Variants in SGCZ observed in about 807,000 individuals in gnomAD.
SGCZ encodes sarcoglycan zeta.
Under a neutral mutation model 41.3 loss-of-function variants are expected in SGCZ, and 40 were observed. The observed-to-expected ratio is 0.97, with a 90% CI of 0.75 to 1.26. The LOEUF (loss-of-function observed/expected upper bound fraction) is 1.26. Among genes scored for constraint, SGCZ ranks in the 50% most tolerant of loss-of-function variants. SGCZ has a pLI of 0.00. For synonymous variants in SGCZ, 206 were observed against 137.5 expected (o/e 1.50, Z -3.49); for missense variants, 552 against 369.8 (o/e 1.49, Z -4.04).
At chr8:14,164,534 T>C in intron 5 of SGCZ, 46 bp downstream of exon 5, 2 of 1,609,558 alleles carry the variant, frequency 1.2e-6, no homozygotes, top group Non-Finnish European at 1.7e-6. Flanking sequence ...CAGTTGTATA[T>C]TCTTTAAAGA....
chr8:15,114,645 C>A (rs1240767690), intron 1 of SGCZ, among the ~76,000 whole-genome samples: 2 of 152,066 alleles, frequency 1.3e-5, no homozygotes. Flanking sequence ...CTCTTGAAGG[C>A]AGAATAGTTA....
At chr8:14,203,479 C>T (rs1805521611) in intron 4 of SGCZ, among the ~76,000 whole-genome samples, 1 of 152,150 alleles carries the variant, frequency 6.6e-6, no homozygotes, top group Non-Finnish European at 1.5e-5. Flanking sequence ...GATTTATAAT[C>T]TCTCCCACTC....
Position 14,286,241 on chromosome 8 carries a change from T to A in SGCZ, c.336+37862A>T, listed in dbSNP as rs1158493500. ...CCTTGAAGTGACTTTGTCTATAGCA[T>A]ATTTTTCTAATCATATTCCCATTTA... On this transcript the variant is annotated intron_variant, in intron 3 of 7. Transcript: ENST00000382080. 2.6e-5 allele frequency among the ~76,000 whole-genome samples: 4 copies of A among 152,138 alleles called. No homozygotes were observed. The East Asian group carries it at 7.7e-4, about 29-fold the overall frequency.
chr8:14,445,037 A>G (rs2117381890), intron 2 of SGCZ, among the ~76,000 whole-genome samples: 1 of 152,322 alleles, frequency 6.6e-6, no homozygotes, highest in South Asian at 2.1e-4. Context: ...GGATAGGTCC[A>G]TCTCAGCACC....
At chr8:15,034,708 G>C (rs1563455334) in intron 1 of SGCZ, among the ~76,000 whole-genome samples, 1 of 152,060 alleles carries the variant, frequency 6.6e-6, no homozygotes, top group Non-Finnish European at 1.5e-5. Context: ...CCTGAAAGCA[G>C]CATGAGAAAA....
chr8:14,406,959 C>T (rs574660568), intron 2 of SGCZ, among the ~76,000 whole-genome samples: 109 of 152,038 alleles, frequency 7.2e-4, no homozygotes, highest in Non-Finnish European at 1.2e-3. Context: ...AATTCTTTCA[C>T]GGGTGAAGCC....
chr8:14,338,945 CACAG>C (rs543178376), intron 2 of SGCZ, among the ~76,000 whole-genome samples: 1 of 152,130 alleles, frequency 6.6e-6, no homozygotes, highest in African/African-American at 2.4e-5. Context: ...TGGACAAGTG[CACAG>C]ACATTGTTAA....
chr8:15,038,372 A>G (rs749348326), intron 1 of SGCZ, among the ~76,000 whole-genome samples: 8 of 152,142 alleles, frequency 5.3e-5, no homozygotes, highest in Non-Finnish European at 1.0e-4. Context: ...GATCTCTTCA[A>G]TAAATGATGT....
At chr8:14,842,445 G>A (rs1472599675) in intron 1 of SGCZ, among the ~76,000 whole-genome samples, 1 of 120,474 alleles carries the variant, frequency 8.3e-6, no homozygotes, top group Non-Finnish European at 2.0e-5. Context: ...GAAGGGACAG[G>A]ACAGGAAAAG....
At chr8:14,801,255 G>A (rs997189387) in intron 1 of SGCZ, among the ~76,000 whole-genome samples, 1 of 152,098 alleles carries the variant, frequency 6.6e-6, no homozygotes, top group African/African-American at 2.4e-5. Flanking sequence ...ATATGGGTTG[G>A]TCATTACATC....
chr8:15,095,784 C>T (rs925187088), intron 1 of SGCZ, among the ~76,000 whole-genome samples: 7 of 152,026 alleles, frequency 4.6e-5, no homozygotes, highest in African/African-American at 7.2e-5. Context: ...GAATTGCAGT[C>T]GAGGAGTTGC....
chr8:14,324,338 C>A (rs1802022332), intron 2 of SGCZ, 134 bp from the exon 3 acceptor site: 8 of 685,094 alleles, frequency 1.2e-5, no homozygotes, highest in South Asian at 1.1e-4. Flanking sequence ...GAGATTGAAT[C>A]TACTTAATTA....
At chr8:14,202,857 C>T (rs928182738) in intron 4 of SGCZ, among the ~76,000 whole-genome samples, 2 of 152,142 alleles carry the variant, frequency 1.3e-5, no homozygotes, top group Non-Finnish European at 2.9e-5. Flanking sequence ...TTGGCTGTGT[C>T]TCCACCCAAA....
intron 1 of SGCZ, among the ~76,000 whole-genome samples, chr8:15,152,738 C>A (rs761808786): frequency 5.9e-5 from 9 of 152,186 alleles, no homozygotes; most frequent in Admixed American, 1.3e-4. Context: ...GTATCTTATT[C>A]ACAAAGAAGT....
intron 1 of SGCZ, among the ~76,000 whole-genome samples, chr8:15,025,588 C>T (rs1803426069): frequency 6.6e-6 from 1 of 152,148 alleles, no homozygotes; most frequent in Admixed American, 6.5e-5. Context: ...CCTGAAGTGT[C>T]ACCAGTGATT....
chr8:14,090,603 T>C lies in SGCZ; in HGVS notation c.779A>G (p.Asn260Ser), dbSNP rs1363609398. 3 of 1,612,306 alleles carry C rather than the reference T, an allele frequency of 1.9e-6. No individual in the cohort carries two copies. Among genetic ancestry groups the C allele is most frequent in the Admixed American group, 3.3e-5 (2 of 59,890 alleles). The change falls in exon 8 of 8, where the codon AAT becomes AGT. Residue 260 changes from asparagine (N) to serine (S), a missense_variant. Transcript: ENST00000382080. ...FLNAETIKLG[N>S]LPTGSFSSSS... ...AGATGAGAAGGAGCCAGTTGGTAGA[T>C]TTCCCAGCTTGATTGTCTCTGCATT... is the stretch of plus-strand genomic sequence containing the variant.
chr8:14,302,582 C>T (rs2116975745), intron 3 of SGCZ, among the ~76,000 whole-genome samples: 1 of 152,246 alleles, frequency 6.6e-6, no homozygotes, highest in Non-Finnish European at 1.5e-5. Flanking sequence ...AGAGCTTTGA[C>T]TCTGTCCCCA....
intron 5 of SGCZ, among the ~76,000 whole-genome samples, chr8:14,130,931 T>A (rs1803022532): frequency 6.6e-6 from 1 of 152,140 alleles, no homozygotes; most frequent in Non-Finnish European, 1.5e-5. Flanking sequence ...GCCAACTTCT[T>A]CAAATGCTAT....
chr8:14,293,161 T>C (rs1322342536), intron 3 of SGCZ, among the ~76,000 whole-genome samples: 5 of 151,716 alleles, frequency 3.3e-5, no homozygotes, highest in Admixed American at 6.6e-5. Flanking sequence ...TTAAAGAAAA[T>C]AAAAACCAAA....
Sources: gnomAD v4.1 joint callset for allele counts (sites outside exome capture counted in the v4.1 genomes callset) on GRCh38, gnomAD v4.1.1 for gene constraint, MANE v1.5 for transcripts, NCBI Gene and HGNC (gene_info 2026-07-23, HGNC 2026-07-21) for gene names.